The following ALK variants were observed in gnomAD, a reference collection of about 807,000 sequenced individuals.
ALK encodes the protein ALK tyrosine kinase receptor.
In ALK, 74 loss-of-function variants were observed where a neutral mutation model predicts 163.1. The ratio of observed to expected loss-of-function variants is 0.45; its 90% confidence interval spans 0.38 to 0.55. ALK has a LOEUF of 0.55. Ranked by LOEUF, ALK falls within the 20% of genes least tolerant of loss-of-function variation. The pLI, the probability that ALK is intolerant of heterozygous loss-of-function variation, is 0.00. For missense variants in ALK, 2,063 were observed against 2,105.3 expected (o/e 0.98, Z 0.39); for synonymous variants, 960 against 843.2 (o/e 1.14, Z -2.40).
chr2:29,516,199 T>C (rs1326636394), intron 4 of ALK, among the ~76,000 whole-genome samples: 1 of 152,206 alleles, frequency 6.6e-6, no homozygotes. Flanking sequence ...CAATTTTACC[T>C]ATGAATAGAA....
chr2:29,415,276 A>C (rs1669842186), intron 4 of ALK, among the ~76,000 whole-genome samples: 1 of 151,878 alleles, frequency 6.6e-6, no homozygotes, highest in African/African-American at 2.4e-5. Context: ...CGATCTTCCA[A>C]AAGAAGTATT....
At chr2:29,833,297 G>A (rs77345071) in intron 1 of ALK, among the ~76,000 whole-genome samples, 1,896 of 152,300 alleles carry the variant, frequency 0.012, 18 homozygotes, top group Middle Eastern at 0.031. Flanking sequence ...TGTGCAAGGA[G>A]CAAGTCCACA....
chr2:29,705,330 C>T (rs544831342), intron 2 of ALK, among the ~76,000 whole-genome samples: 1 of 134,096 alleles, frequency 7.5e-6, no homozygotes, highest in Admixed American at 8.4e-5. Flanking sequence ...TGTCGCCATG[C>T]TTTCAAAACC....
chr2:29,513,522 G>A (rs1349551485), intron 4 of ALK, among the ~76,000 whole-genome samples: 2 of 150,800 alleles, frequency 1.3e-5, no homozygotes, highest in African/African-American at 4.9e-5. Flanking sequence ...AGACTTAAAC[G>A]TTAGACCTAA....
intron 3 of ALK, among the ~76,000 whole-genome samples, chr2:29,570,078 G>A (rs1364788889): frequency 2.6e-5 from 4 of 152,314 alleles, no homozygotes; most frequent in Non-Finnish European, 4.4e-5. Context: ...CTTAACAACA[G>A]AGCCTCTGGG....
At chr2:29,531,734 G>A (rs1673124407) in intron 4 of ALK, among the ~76,000 whole-genome samples, 181 bp downstream of exon 4, 1 of 152,142 alleles carries the variant, frequency 6.6e-6, no homozygotes, top group Non-Finnish European at 1.5e-5. Context: ...AAGTCAGAGG[G>A]ACCCACAAAT....
At chr2:29,369,615 T>A (rs771533410) in intron 5 of ALK, among the ~76,000 whole-genome samples, 1 of 152,010 alleles carries the variant, frequency 6.6e-6, no homozygotes, top group Non-Finnish European at 1.5e-5. Context: ...AGACAGGCAA[T>A]TCCACGGCCC....
At chr2:29,327,275 A>G (rs1463804028) in intron 6 of ALK, among the ~76,000 whole-genome samples, 1 of 152,138 alleles carries the variant, frequency 6.6e-6, no homozygotes, top group East Asian at 1.9e-4. Context: ...CCTCTCATCA[A>G]TGAAGAGTCA....
intron 4 of ALK, among the ~76,000 whole-genome samples, chr2:29,440,530 T>C (rs1396435866): frequency 6.6e-6 from 1 of 152,158 alleles, no homozygotes; most frequent in African/African-American, 2.4e-5. Context: ...TTGGCCAGGC[T>C]GGTCTCAAAC....
At chr2:29,200,726 T>C (rs1669137658) in intron 26 of ALK, among the ~76,000 whole-genome samples, 1 of 145,620 alleles carries the variant, frequency 6.9e-6, no homozygotes, top group Non-Finnish European at 1.5e-5. Flanking sequence ...CATACGTATA[T>C]ATGTATATAT....
intron 1 of ALK, among the ~76,000 whole-genome samples, chr2:29,832,435 A>C (rs1269138105): frequency 1.3e-5 from 2 of 152,308 alleles, no homozygotes; most frequent in African/African-American, 4.8e-5. Context: ...ATGCACAACA[A>C]CCAAGAAGCC....
chr2:29,460,317 G>C (rs986983832), intron 4 of ALK, among the ~76,000 whole-genome samples: 3 of 152,170 alleles, frequency 2.0e-5, no homozygotes. Context: ...TAGATACAAA[G>C]AATGCAATAC....
intron 8 of ALK, among the ~76,000 whole-genome samples, chr2:29,297,841 G>GGTCTTTGTGTTTAAAAT (rs139736650): frequency 0.11 from 16,270 of 152,116 alleles, 902 homozygotes; most frequent in Non-Finnish European, 0.12. Context: ...CAAGGTTTCT[G>GGTCTTTGTGTTTAAAAT]GTCTTTGTGT....
intron 3 of ALK, among the ~76,000 whole-genome samples, chr2:29,542,213 G>GT (rs199602514): frequency 0.017 from 2,562 of 151,126 alleles, 76 homozygotes; most frequent in African/African-American, 0.057. Context: ...GTTTTGTTTT[G>GT]TTTTTTTTCA....
chr2:29,584,369 C>A (rs1300023740), intron 3 of ALK, among the ~76,000 whole-genome samples: 2 of 152,160 alleles, frequency 1.3e-5, no homozygotes, highest in Non-Finnish European at 2.9e-5. Flanking sequence ...TCATCTGGAT[C>A]TTAACAGGAA....
intron 26 of ALK, among the ~76,000 whole-genome samples, chr2:29,204,323 A>C (rs914390276): frequency 1.3e-5 from 2 of 152,198 alleles, no homozygotes; most frequent in Non-Finnish European, 2.9e-5. Context: ...GAGTCCTACT[A>C]GGATATCGCA....
At chr2:29,276,550 G>C (rs1414291814) in intron 9 of ALK, among the ~76,000 whole-genome samples, 1 of 152,082 alleles carries the variant, frequency 6.6e-6, no homozygotes, top group Non-Finnish European at 1.5e-5. Context: ...GTGGTCTCTG[G>C]CATGGGTATG....
chr2:29,387,217 G>A (rs1255596847), intron 4 of ALK, among the ~76,000 whole-genome samples: 2 of 152,156 alleles, frequency 1.3e-5, no homozygotes, highest in Admixed American at 1.3e-4. Context: ...GAGCTCTCCG[G>A]TTCCAGTTCT....
intron 8 of ALK, among the ~76,000 whole-genome samples, chr2:29,306,636 CCAGA>C (rs1166275345): frequency 1.3e-5 from 2 of 151,464 alleles, no homozygotes; most frequent in African/African-American, 4.8e-5. Flanking sequence ...ATTGTCCTTA[CCAGA>C]CAATTAACAG....
Sources: allele counts gnomAD v4.1 joint callset (sites outside exome capture counted in the v4.1 genomes callset), GRCh38; gene constraint gnomAD v4.1.1; transcripts MANE v1.5; gene names NCBI Gene and HGNC (gene_info 2026-07-23, HGNC 2026-07-21).